AFF2: variants seen among roughly 807,000 people sequenced by gnomAD.
AFF2 encodes ALF transcription elongation factor 2, also known as AF4/FMR2 family member 2.
Under a neutral mutation model 76.9 loss-of-function variants are expected in AFF2, and 14 were observed. That is an observed-to-expected ratio of 0.18 (90% CI 0.12 to 0.28). The LOEUF is 0.28. Among genes scored for constraint, AFF2 ranks in the 10% least tolerant of loss-of-function variants. The probability of loss-of-function intolerance (pLI) is 1.00; values close to 1 mark genes in which losing one functional copy is unlikely to be tolerated. For missense variants in AFF2, 868 were observed against 1,001.1 expected (o/e 0.87, Z 1.79); for synonymous variants, 398 against 366.7 (o/e 1.09, Z -0.98).
rs544830115 is a variant in AFF2 at position 148,851,062 on chromosome X, A to T, written c.1262+7629A>T. On this transcript the variant is annotated intron_variant, in intron 7 of 20. Transcript: ENST00000370460. ...GAAGAGAAGAAATATCTACTTCTGA[A>T]CTATTCATTTTGTTTTTCCCTCCTA... Among the ~76,000 whole-genome samples, 17 of 112,560 alleles carry T rather than the reference A, an allele frequency of 1.5e-4. No individual in the cohort carries two copies. The South Asian group carries it at 6.3e-3, about 42-fold the overall frequency.
chrX:148,811,272 G>A (rs781824769), intron 4 of AFF2, among the ~76,000 whole-genome samples: 26 of 110,888 alleles, frequency 2.3e-4, no homozygotes, highest in Non-Finnish European at 3.8e-4. Flanking sequence ...CCTCATCTGC[G>A]GAAAAATTGT....
intron 1 of AFF2, among the ~76,000 whole-genome samples, chrX:148,651,517 A>G (rs12396968): frequency 0.046 from 5,115 of 111,759 alleles, 307 homozygotes; most frequent in African/African-American, 0.16. Context: ...CTGTGAGTTC[A>G]TCAAAACAAG....
chrX:148,639,957 G>T (rs1487434084), intron 1 of AFF2, among the ~76,000 whole-genome samples: 1 of 103,658 alleles, frequency 9.6e-6, no homozygotes, highest in Non-Finnish European at 1.9e-5. Context: ...AATGCAGATA[G>T]AGAAAGGAGC....
At chrX:148,548,019 A>G (rs2052944514) in intron 1 of AFF2, among the ~76,000 whole-genome samples, 1 of 112,231 alleles carries the variant, frequency 8.9e-6, no homozygotes, top group Non-Finnish European at 1.9e-5. Flanking sequence ...AATTTAACAG[A>G]GGCCATGTGC....
At chrX:148,859,940 G>A (rs1341159407) in intron 7 of AFF2, among the ~76,000 whole-genome samples, 1 of 111,161 alleles carries the variant, frequency 9.0e-6, no homozygotes, top group East Asian at 2.8e-4. Context: ...ATTTACAGTA[G>A]GTATTTCTCC....
At chrX:148,975,943 C>CAAAAAAAAAAAAAAAAAA (rs59057839) in intron 16 of AFF2, among the ~76,000 whole-genome samples, 16 of 22,701 alleles carry the variant, frequency 7.0e-4, no homozygotes, top group South Asian at 0.011. Flanking sequence ...GACTCCGTCT[C>CAAAAAAAAAAAAAAAAAA]AAAAAAAAAA....
At position 148,618,777 on chromosome X, in the gene AFF2, A is replaced by G. The variant is rs61194598; in HGVS notation, c.48-33222A>G. Among the ~76,000 whole-genome samples the G allele has an allele frequency of 6.5e-3, 731 of 111,765 alleles. 13 individuals are homozygous for G. In the East Asian group the frequency reaches 0.092, roughly 14 times the overall value. On this transcript the variant is annotated intron_variant, in intron 1 of 20. Coordinates refer to ENST00000370460, the MANE Select transcript of AFF2 (RefSeq NM_002025.4). The stretch of plus-strand genomic sequence containing the variant: ...TGAAGGAAACAGATTGACCAAAGGG[A>G]TTCTGCTATTCGTAGAAGTGAGCAA...
intron 3 of AFF2, among the ~76,000 whole-genome samples, chrX:148,668,651 C>T (rs1275198583): frequency 8.9e-6 from 1 of 112,152 alleles, no homozygotes; most frequent in Non-Finnish European, 1.9e-5. Flanking sequence ...AAGCTTAGCC[C>T]CTTTTAGCCA....
chrX:148,741,443 C>T (rs781918354), intron 3 of AFF2, among the ~76,000 whole-genome samples: 2 of 110,653 alleles, frequency 1.8e-5, no homozygotes, highest in South Asian at 7.9e-4. Context: ...ACAGGCCTCA[C>T]CTAGCTCCCA....
At chrX:148,800,475 G>C (rs1009933878) in intron 3 of AFF2, among the ~76,000 whole-genome samples, 2 of 112,289 alleles carry the variant, frequency 1.8e-5, no homozygotes, top group Non-Finnish European at 3.8e-5. Flanking sequence ...TTTTCAAAAA[G>C]ACGTTTAAAT....
rs782369709 is a variant in AFF2 at position 148,940,495 on chromosome X, T to C, written c.1398-13085T>C. ...ATTCTAAATTCTTCCTTCTTTGAAA[T>C]TGCTAAATTTCCTAAATCCCTCTTA... On this transcript the variant is annotated intron_variant, in intron 9 of 20. Coordinates refer to ENST00000370460, the MANE Select transcript of AFF2 (RefSeq NM_002025.4). Among the ~76,000 whole-genome samples, 3 of 112,275 alleles carry C rather than the reference T, an allele frequency of 2.7e-5. No homozygotes were observed. The South Asian group carries it at 1.1e-3, about 42-fold the overall frequency.
At chrX:148,559,351 C>T (rs782606812) in intron 1 of AFF2, among the ~76,000 whole-genome samples, 1 of 110,611 alleles carries the variant, frequency 9.0e-6, no homozygotes, top group African/African-American at 3.3e-5. Context: ...ATACATGTGC[C>T]ATGGTGGTGG....
intron 3 of AFF2, among the ~76,000 whole-genome samples, chrX:148,689,639 A>G (rs1448571171): frequency 2.7e-5 from 3 of 111,874 alleles, no homozygotes; most frequent in African/African-American, 9.8e-5. Context: ...AGAGTTGAAC[A>G]GATGTCTTTT....
At chrX:148,511,798 C>G (rs1019062244) in intron 1 of AFF2, among the ~76,000 whole-genome samples, 1 of 112,887 alleles carries the variant, frequency 8.9e-6, no homozygotes, top group Non-Finnish European at 1.9e-5. Context: ...AGACCACATC[C>G]CTTCTGCTAT....
At chrX:148,647,750 A>T (rs1235024648) in intron 1 of AFF2, among the ~76,000 whole-genome samples, 2 of 111,142 alleles carry the variant, frequency 1.8e-5, no homozygotes, top group Non-Finnish European at 3.8e-5. Flanking sequence ...TAGTTCTCTG[A>T]CAAACCCGCT....
chrX:148,854,603 G>T (rs909961976), intron 7 of AFF2, among the ~76,000 whole-genome samples: 5 of 111,296 alleles, frequency 4.5e-5, no homozygotes, highest in Non-Finnish European at 9.4e-5. Flanking sequence ...CAGAGCAGCC[G>T]CATGACAGAC....
chrX:148,785,053 C>T (rs1482132997), intron 3 of AFF2, among the ~76,000 whole-genome samples: 1 of 111,670 alleles, frequency 9.0e-6, no homozygotes, highest in Non-Finnish European at 1.9e-5. Context: ...TCTCTTGCTC[C>T]CCCCCTTCCC....
intron 3 of AFF2, among the ~76,000 whole-genome samples, chrX:148,792,668 A>G (rs953162472): frequency 8.9e-6 from 1 of 112,033 alleles, no homozygotes; most frequent in Non-Finnish European, 1.9e-5. Flanking sequence ...ATTTGTGAAA[A>G]AGTGTTTTCT....
rs782156771 is a variant in AFF2, at chrX:148,865,722, T to C, written c.1263-20167T>C. ...ATAGGGTAGGCAAGAGGCGTGGGTC[T>C]CCCATGGTTTTATCTTTGCCACTTC... On this transcript the variant is annotated intron_variant, in intron 7 of 20. Transcript: ENST00000370460. Among the ~76,000 whole-genome samples the C allele has an allele frequency of 8.0e-5, 9 of 111,854 alleles. 1 individual carries two copies. The highest frequency in any genetic ancestry group is 2.8e-4 in the Admixed American group (3 of 10,556).
Sources: allele counts gnomAD v4.1 joint callset (sites outside exome capture counted in the v4.1 genomes callset), GRCh38; gene constraint gnomAD v4.1.1; transcripts MANE v1.5; gene names NCBI Gene and HGNC (gene_info 2026-07-23, HGNC 2026-07-21).